GALNTL6: variants seen among roughly 807,000 people sequenced by gnomAD.
GALNTL6 encodes polypeptide N-acetylgalactosaminyltransferase like 6.
Under a neutral mutation model 73.7 loss-of-function variants are expected in GALNTL6, and 46 were observed. The observed-to-expected ratio is 0.62, with a 90% CI of 0.49 to 0.80. GALNTL6 has a LOEUF of 0.80. Ranked by LOEUF, GALNTL6 falls within the 30% of genes least tolerant of loss-of-function variation. The probability of loss-of-function intolerance (pLI) is 0.00; values close to 1 mark genes in which losing one functional copy is unlikely to be tolerated. For synonymous variants in GALNTL6, 259 were observed against 263.7 expected (o/e 0.98, Z 0.17); for missense variants, 604 against 755.0 (o/e 0.80, Z 2.34).
At chr4:172,460,968 A>G (rs1208012066) in intron 5 of GALNTL6, among the ~76,000 whole-genome samples, 3 of 152,224 alleles carry the variant, frequency 2.0e-5, no homozygotes, top group Admixed American at 2.0e-4. Context: ...GAACCAACCC[A>G]AATGCCCATC....
chr4:172,500,624 T>C (rs191193016), intron 5 of GALNTL6, among the ~76,000 whole-genome samples: 90 of 151,864 alleles, frequency 5.9e-4, no homozygotes, highest in African/African-American at 1.9e-3. Flanking sequence ...AAAAATAATG[T>C]TCAGGAAAAA....
intron 2 of GALNTL6, among the ~76,000 whole-genome samples, chr4:172,073,147 C>T (rs890677826): frequency 1.3e-5 from 2 of 152,106 alleles, no homozygotes; most frequent in African/African-American, 2.4e-5. Flanking sequence ...AACTTTTCTT[C>T]TTTAGGTTTA....
At chr4:172,623,645 A>G (rs1244404769) in intron 5 of GALNTL6, among the ~76,000 whole-genome samples, 21 of 152,112 alleles carry the variant, frequency 1.4e-4, no homozygotes, top group Admixed American at 1.4e-3. Context: ...TTTCTATGGA[A>G]AAACTCAACT....
At chr4:172,600,849 G>T (rs1041728137) in intron 5 of GALNTL6, among the ~76,000 whole-genome samples, 1 of 151,946 alleles carries the variant, frequency 6.6e-6, no homozygotes, top group African/African-American at 2.4e-5. Context: ...AACAAAAGTT[G>T]CTACTCTATA....
chr4:172,785,190 C>A (rs994583843), intron 5 of GALNTL6, among the ~76,000 whole-genome samples: 2 of 151,700 alleles, frequency 1.3e-5, no homozygotes, highest in Non-Finnish European at 2.9e-5. Flanking sequence ...AATTTGTGAA[C>A]GAAGTAATGA....
intron 10 of GALNTL6, among the ~76,000 whole-genome samples, chr4:172,979,051 T>G (rs1750961607): frequency 6.6e-6 from 1 of 152,206 alleles, no homozygotes; most frequent in African/African-American, 2.4e-5. Context: ...ACATGACGAG[T>G]AATCAACGTA....
chr4:171,867,645 T>C (rs1345777683), intron 2 of GALNTL6, among the ~76,000 whole-genome samples: 1 of 152,222 alleles, frequency 6.6e-6, no homozygotes, highest in Non-Finnish European at 1.5e-5. Flanking sequence ...GCCAGTGATG[T>C]TTTGAAAAAA....
intron 2 of GALNTL6, among the ~76,000 whole-genome samples, chr4:172,203,612 C>T (rs1487305056): frequency 2.0e-5 from 3 of 152,148 alleles, no homozygotes; most frequent in African/African-American, 4.8e-5. Context: ...AAATATATTA[C>T]ATCATTTTCC....
At chr4:172,177,717 GTA>G (rs1735046394) in intron 2 of GALNTL6, among the ~76,000 whole-genome samples, 1 of 102,584 alleles carries the variant, frequency 9.7e-6, no homozygotes, top group African/African-American at 3.9e-5. Flanking sequence ...TGTTTACTTA[GTA>G]TGTGTGTATA....
intron 8 of GALNTL6, among the ~76,000 whole-genome samples, chr4:172,926,598 A>G (rs1579663884): frequency 1.3e-5 from 2 of 152,240 alleles, no homozygotes; most frequent in South Asian, 2.1e-4. Context: ...AAGATTGGCC[A>G]CCTCCACAAG....
chr4:172,813,073 AC>A (rs1741403692), intron 6 of GALNTL6, among the ~76,000 whole-genome samples: 1 of 152,210 alleles, frequency 6.6e-6, no homozygotes, highest in Admixed American at 6.5e-5. Context: ...GGGAGCAGCC[AC>A]CATGATTGTT....
At chr4:172,094,174 A>C (rs1169923965) in intron 2 of GALNTL6, among the ~76,000 whole-genome samples, 1 of 152,186 alleles carries the variant, frequency 6.6e-6, no homozygotes, top group Non-Finnish European at 1.5e-5. Context: ...AGTGTGGAAC[A>C]GTACATATTT....
intron 5 of GALNTL6, among the ~76,000 whole-genome samples, chr4:172,679,875 T>C (rs1732532499): frequency 6.6e-6 from 1 of 152,184 alleles, no homozygotes; most frequent in South Asian, 2.1e-4. Context: ...CCGTGTCTTC[T>C]CCCAATAATT....
intron 2 of GALNTL6, among the ~76,000 whole-genome samples, chr4:171,968,370 A>T (rs1163785038): frequency 1.3e-5 from 2 of 152,088 alleles, no homozygotes. Context: ...TCTCTGTCCT[A>T]GTTTCTGGTC....
intron 2 of GALNTL6, among the ~76,000 whole-genome samples, chr4:172,116,332 T>A (rs956693941): frequency 2.0e-5 from 3 of 152,186 alleles, no homozygotes; most frequent in Non-Finnish European, 4.4e-5. Flanking sequence ...TATTGCTCTG[T>A]AATAAATTTT....
At chr4:172,423,436 A>G (rs556093845) in intron 5 of GALNTL6, among the ~76,000 whole-genome samples, 4 of 152,046 alleles carry the variant, frequency 2.6e-5, no homozygotes, top group African/African-American at 9.6e-5. Context: ...CGCAGTCAGT[A>G]CACTGGTGCC....
chr4:172,947,304 T>C (rs537769230), intron 9 of GALNTL6, among the ~76,000 whole-genome samples: 1 of 152,122 alleles, frequency 6.6e-6, no homozygotes, highest in Admixed American at 6.5e-5. Flanking sequence ...GGGGGCAAGA[T>C]GCCAGGAGGA....
chr4:172,425,642 C>T (rs774211925), intron 5 of GALNTL6, among the ~76,000 whole-genome samples: 9 of 151,890 alleles, frequency 5.9e-5, no homozygotes, highest in Non-Finnish European at 1.0e-4. Flanking sequence ...CCCTAGAAAT[C>T]CTAGAAGTTT....
intron 2 of GALNTL6, among the ~76,000 whole-genome samples, chr4:171,822,477 GGAGAAA>G (rs1734711416): frequency 6.6e-6 from 1 of 152,164 alleles, no homozygotes; most frequent in Non-Finnish European, 1.5e-5. Context: ...AGGGTAGCTA[GGAGAAA>G]TAATTGGATT....
Sources: gnomAD v4.1 joint callset for allele counts (sites outside exome capture counted in the v4.1 genomes callset) on GRCh38, gnomAD v4.1.1 for gene constraint, MANE v1.5 for transcripts, NCBI Gene and HGNC (gene_info 2026-07-23, HGNC 2026-07-21) for gene names.